CPED1: variants seen among roughly 807,000 people sequenced by gnomAD.
CPED1 encodes the protein cadherin like and PC-esterase domain containing 1.
A neutral mutation model predicts 128.2 loss-of-function variants in CPED1; 114 were observed. The observed-to-expected ratio is 0.89, with a 90% confidence interval of 0.76 to 1.04. The LOEUF (loss-of-function observed/expected upper bound fraction) is 1.04. Ranked by LOEUF, CPED1 falls within the 50% of genes least tolerant of loss-of-function variation. CPED1 has a pLI of 0.00. For synonymous variants in CPED1, 462 were observed against 426.7 expected (o/e 1.08, Z -1.02); for missense variants, 1,211 against 1,207.1 (o/e 1.00, Z -0.05).
chr7:121,272,846 A>C (rs900710373), intron 22 of CPED1, among the ~76,000 whole-genome samples: 1 of 151,736 alleles, frequency 6.6e-6, no homozygotes, highest in African/African-American at 2.4e-5. Context: ...ATAAAACAAC[A>C]CCCCAATGGG....
intron 5 of CPED1, among the ~76,000 whole-genome samples, chr7:121,070,136 T>A (rs542072592): frequency 6.6e-6 from 1 of 150,642 alleles, no homozygotes; most frequent in Non-Finnish European, 1.5e-5. Flanking sequence ...AAATTATAGA[T>A]ACTATTTACT....
At chr7:121,106,018 A>T (rs1335462480) in intron 7 of CPED1, among the ~76,000 whole-genome samples, 1 of 152,176 alleles carries the variant, frequency 6.6e-6, no homozygotes, top group South Asian at 2.1e-4. Flanking sequence ...ATGTGTTTGC[A>T]TTTCCAGAGC....
intron 14 of CPED1, among the ~76,000 whole-genome samples, chr7:121,139,058 C>T (rs937004252): frequency 2.0e-5 from 3 of 151,994 alleles, no homozygotes; most frequent in Non-Finnish European, 4.4e-5. Flanking sequence ...AAAACAATTT[C>T]TGCCTTCATT....
chr7:121,127,435 A>G (rs988910262), intron 10 of CPED1, among the ~76,000 whole-genome samples, 178 bp downstream of exon 10: 1 of 152,066 alleles, frequency 6.6e-6, no homozygotes, highest in Non-Finnish European at 1.5e-5. Flanking sequence ...ATGTCAACTA[A>G]GTATGTAAGT....
intron 16 of CPED1, among the ~76,000 whole-genome samples, chr7:121,144,929 A>G (rs1795988877): frequency 2.0e-5 from 3 of 152,156 alleles, no homozygotes; most frequent in Middle Eastern, 3.4e-3. Flanking sequence ...CTATGTTTAT[A>G]GAAGTCAGAA....
At position 121,015,799 on chromosome 7, in the gene CPED1, C is replaced by T. The variant is rs146930994; in HGVS notation, c.384C>T (p.Ile128=). The change falls in exon 3 of 23, where the codon ATC becomes ATT. Residue 128 remains isoleucine, a synonymous_variant. Coordinates refer to ENST00000310396, the MANE Select transcript of CPED1 (RefSeq NM_024913.5). ...CTCAACATGGCTATACGGTTGTCAT[C>T]GCTGAAGAAAGGCTCAATGCTGGCC... ...ILTQHGYTVV[I]AEERLNAGLG... 36 of 1,597,510 alleles carry T rather than the reference C, an allele frequency of 2.3e-5. No individual in the cohort carries two copies. The highest frequency in any genetic ancestry group is 1.7e-4 in the South Asian group (15 of 87,462).
At chr7:121,070,607 G>A (rs1272887069) in intron 5 of CPED1, among the ~76,000 whole-genome samples, 1 of 152,054 alleles carries the variant, frequency 6.6e-6, no homozygotes, top group African/African-American at 2.4e-5. Context: ...AAAGAAGCTT[G>A]CAAACCCAAT....
chr7:121,046,815 C>G (rs1414733162), intron 3 of CPED1, 72 bp from the exon 4 acceptor site: 5 of 938,552 alleles, frequency 5.3e-6, no homozygotes, highest in Non-Finnish European at 8.1e-6. Context: ...ATTTTTTAAT[C>G]TGAAGAATTA....
intron 5 of CPED1, among the ~76,000 whole-genome samples, chr7:121,093,536 C>T (rs1794627385): frequency 6.6e-6 from 1 of 152,102 alleles, no homozygotes; most frequent in Middle Eastern, 3.4e-3. Context: ...TCTATTTGCC[C>T]CTCAGATTCA....
At chr7:121,092,854 C>T (rs1424487924) in intron 5 of CPED1, among the ~76,000 whole-genome samples, 2 of 152,166 alleles carry the variant, frequency 1.3e-5, no homozygotes, top group African/African-American at 4.8e-5. Context: ...ACCCTGGCCA[C>T]TTATCTTCTC....
intron 11 of CPED1, among the ~76,000 whole-genome samples, chr7:121,129,303 A>ACACG (rs67820232): frequency 0.13 from 960 of 7,452 alleles, 17 homozygotes; most frequent in Non-Finnish European, 0.23. Context: ...ATATATATAT[A>ACACG]TATATATACG....
At chr7:121,098,644 A>G (rs1421001664) in intron 6 of CPED1, among the ~76,000 whole-genome samples, 1 of 150,918 alleles carries the variant, frequency 6.6e-6, no homozygotes. Context: ...AGGCAGGAGA[A>G]CCAACTGAGC....
intron 3 of CPED1, among the ~76,000 whole-genome samples, chr7:121,021,026 G>C (rs1454313608): frequency 6.6e-6 from 1 of 151,766 alleles, no homozygotes; most frequent in East Asian, 1.9e-4. Context: ...TTTCCATAAG[G>C]GGCTAGAGTT....
intron 2 of CPED1, among the ~76,000 whole-genome samples, chr7:120,999,163 T>A (rs1430440974): frequency 1.3e-5 from 2 of 152,184 alleles, no homozygotes; most frequent in African/African-American, 4.8e-5. Context: ...TTCTCCCTCT[T>A]TTCTTTCTCT....
chr7:121,106,176 C>G (rs746889841), intron 7 of CPED1, among the ~76,000 whole-genome samples: 4 of 152,028 alleles, frequency 2.6e-5, no homozygotes, highest in Non-Finnish European at 5.9e-5. Flanking sequence ...AGAGCAGGTT[C>G]TACAACAGAA....
intron 13 of CPED1, among the ~76,000 whole-genome samples, chr7:121,135,594 C>T (rs1281823292): frequency 6.6e-6 from 1 of 152,018 alleles, no homozygotes; most frequent in Non-Finnish European, 1.5e-5. Flanking sequence ...ATGATTTAAG[C>T]ACCCTGAGTG....
At chr7:121,259,190 A>T (rs1365751019) in intron 18 of CPED1, among the ~76,000 whole-genome samples, 3 of 152,048 alleles carry the variant, frequency 2.0e-5, no homozygotes, top group Admixed American at 6.6e-5. Flanking sequence ...GGAAGGAACA[A>T]GACACAAATC....
intron 6 of CPED1, among the ~76,000 whole-genome samples, chr7:121,098,737 T>TATATATAAAA (rs1474245691): frequency 1.7e-4 from 5 of 29,350 alleles, no homozygotes; most frequent in Admixed American, 1.4e-3. Context: ...CTCAAATATA[T>TATATATAAAA]ATATATAAAA....
chr7:121,137,908 G>A (rs928531095), intron 14 of CPED1, among the ~76,000 whole-genome samples: 1 of 151,928 alleles, frequency 6.6e-6, no homozygotes. Context: ...CGCCTCTTTG[G>A]GCTTCTATTT....
Sources: gnomAD v4.1 joint callset for allele counts (sites outside exome capture counted in the v4.1 genomes callset) on GRCh38, gnomAD v4.1.1 for gene constraint, MANE v1.5 for transcripts, NCBI Gene and HGNC (gene_info 2026-07-23, HGNC 2026-07-21) for gene names.